AKAP13: variants seen among roughly 807,000 people sequenced by gnomAD.
The protein encoded by AKAP13 is A-kinase anchor protein 13.
A neutral mutation model predicts 264.5 loss-of-function variants in AKAP13; 80 were observed. The ratio of observed to expected loss-of-function variants is 0.30; its 90% CI spans 0.25 to 0.36. The LOEUF (loss-of-function observed/expected upper bound fraction) is 0.36. Among genes scored for constraint, AKAP13 ranks in the 10% least tolerant of loss-of-function variants. The pLI is 1.00. For missense variants in AKAP13, 3,712 were observed against 3,435.2 expected (o/e 1.08, Z -2.01); for synonymous variants, 1,380 against 1,250.2 (o/e 1.10, Z -2.19).
intron 5 of AKAP13, among the ~76,000 whole-genome samples, chr15:85,544,415 A>G (rs1443100582): frequency 2.6e-5 from 4 of 152,202 alleles, no homozygotes; most frequent in Non-Finnish European, 4.4e-5. Context: ...AAATATTGTA[A>G]ACAATTAAGT....
At chr15:85,672,689 A>C (rs1198344286) in intron 14 of AKAP13, among the ~76,000 whole-genome samples, 2 of 152,232 alleles carry the variant, frequency 1.3e-5, no homozygotes, top group Non-Finnish European at 2.9e-5. Flanking sequence ...TGAGCTTGTT[A>C]CTGAAACTCT....
At chr15:85,399,523 TAAAAAAATA>T (rs1187399067) in intron 1 of AKAP13, among the ~76,000 whole-genome samples, 7 of 78,030 alleles carry the variant, frequency 9.0e-5, no homozygotes, top group Non-Finnish European at 1.9e-4. Context: ...AAAAAAAAAA[TAAAAAAATA>T]AAAAAATAAA....
In AKAP13 at chr15:85,664,762, C is replaced by A; in HGVS notation, c.4992+7C>A. On this transcript the variant is annotated splice_region_variant and intron_variant, in intron 13 of 36. Coordinates refer to ENST00000394518, the MANE Select transcript of AKAP13 (RefSeq NM_007200.5). The stretch of plus-strand genomic sequence containing the variant: ...TAGGATGTTTGATCAGCAGGTAAGT[C>A]TTAAATATGTCTAATTTGGAAAAAA... The A allele has an allele frequency of 1.3e-6, 2 of 1,599,324 alleles. No homozygotes were observed. The highest frequency in any genetic ancestry group is 2.3e-5 in the South Asian group (2 of 88,810).
intron 1 of AKAP13, among the ~76,000 whole-genome samples, chr15:85,442,482 A>ATATACATAATATATATTATAT (rs1567059545): frequency 8.6e-6 from 1 of 115,620 alleles, no homozygotes; most frequent in African/African-American, 3.5e-5. Flanking sequence ...ATATTATATA[A>ATATACATAATATATATTATAT]TATATATAAT....
chr15:85,718,896 CT>C lies in AKAP13; in HGVS notation c.6002-178del. ...CCTGGGTGACAGAGCCAGAACCTGTCTTAAAAAAAAAACAAAAAAACAAAAA... is the reference window on the plus strand; with the variant it reads ...CCTGGGTGACAGAGCCAGAACCTGTCTAAAAAAAAAACAAAAAAACAAAAA... On this transcript the variant is annotated intron_variant, in intron 22 of 36. Transcript: ENST00000394518. The surrounding 1 kb of genome is among the most constrained non-coding windows in gnomAD (Gnocchi z 4.9). The C allele has an allele frequency of 1.3e-6, 1 of 742,942 alleles. No individual in the cohort carries two copies. The highest frequency in any genetic ancestry group is 3.0e-5 in the East Asian group (1 of 32,862). 46.0% of individuals were successfully genotyped at this position (742,942 alleles called of 1,614,324 possible).
chr15:85,689,355 A>G (rs781042830), intron 16 of AKAP13, among the ~76,000 whole-genome samples: 35 of 152,224 alleles, frequency 2.3e-4, no homozygotes, highest in Non-Finnish European at 4.6e-4. Flanking sequence ...CTGTAACATG[A>G]CAGTTGTTTG....
At chr15:85,383,303 G>A (rs1447495276) in intron 1 of AKAP13, among the ~76,000 whole-genome samples, 1 of 152,070 alleles carries the variant, frequency 6.6e-6, no homozygotes, top group Admixed American at 6.5e-5. Context: ...GAACTAGGTA[G>A]CGTTCAGATC....
chr15:85,609,528 C>T (rs2080506339), intron 8 of AKAP13, among the ~76,000 whole-genome samples: 1 of 152,160 alleles, frequency 6.6e-6, no homozygotes, highest in Admixed American at 6.5e-5. Context: ...TCGATGGACA[C>T]TTAACTTGGT....
At chr15:85,488,099 A>G (rs1358985702) in intron 2 of AKAP13, among the ~76,000 whole-genome samples, 3 of 152,076 alleles carry the variant, frequency 2.0e-5, no homozygotes, top group Non-Finnish European at 2.9e-5. Flanking sequence ...AGATCTGACT[A>G]TGCTGCCCAG....
At chr15:85,670,594 T>A (rs899075152) in intron 14 of AKAP13, 1 of 151,246 alleles carries the variant, frequency 6.6e-6, no homozygotes, top group Non-Finnish European at 1.5e-5. Flanking sequence ...GAATATACAT[T>A]GAATTAAGTT....
intron 5 of AKAP13, among the ~76,000 whole-genome samples, chr15:85,556,773 C>G (rs1292558545): frequency 6.6e-6 from 1 of 152,226 alleles, no homozygotes. Context: ...TTCCCTAACT[C>G]TGCATGCTGG....
intron 5 of AKAP13, among the ~76,000 whole-genome samples, chr15:85,551,423 A>T (rs2077960114): frequency 6.6e-6 from 1 of 152,198 alleles, no homozygotes; most frequent in African/African-American, 2.4e-5. Flanking sequence ...TTGCACAAGG[A>T]AATGTAATAG....
At chr15:85,464,094 C>T (rs1267150432) in intron 1 of AKAP13, among the ~76,000 whole-genome samples, 1 of 152,172 alleles carries the variant, frequency 6.6e-6, no homozygotes, top group Non-Finnish European at 1.5e-5. Context: ...TTCCCTTTCC[C>T]ACACGGCGTC....
Position 85,581,186 on chromosome 15 carries a change from T to C in AKAP13, c.3118T>C (p.Ser1040Pro), listed in dbSNP as rs1441679991. 1.2e-6 allele frequency: 2 copies of C among 1,613,998 alleles called. No individual in the cohort carries two copies. Among genetic ancestry groups the C allele is most frequent in the Non-Finnish European group, 1.7e-6 (2 of 1,180,012 alleles). Residue 1040 changes from serine to proline, a missense_variant, in exon 7 of 37, where the codon TCC becomes CCC. Ser to Pro is a moderately conservative substitution (Grantham distance 74, BLOSUM62 -1). Coordinates refer to ENST00000394518, the MANE Select transcript of AKAP13 (RefSeq NM_007200.5). ...AGCCTTGGGGGCAGAGCACAACAGC[T>C]CCGCTCTGTTGCCATGTCTGTTGCC... ...QEALGAEHNS[S>P]ALLPCLLPDG...
intron 5 of AKAP13, among the ~76,000 whole-genome samples, chr15:85,571,109 G>A (rs540268291): frequency 1.3e-5 from 2 of 152,238 alleles, no homozygotes; most frequent in African/African-American, 4.8e-5. Context: ...TCCCAGTGGG[G>A]GAAGATTAGT....
chr15:85,649,185 G>A (rs416916), intron 10 of AKAP13, among the ~76,000 whole-genome samples: 40,601 of 151,988 alleles, frequency 0.27, 5,587 homozygotes, highest in East Asian at 0.36. Flanking sequence ...ACAAGTGGGT[G>A]GTTTTATGCT....
At chr15:85,571,054 G>C (rs2078802122) in intron 5 of AKAP13, among the ~76,000 whole-genome samples, 1 of 151,952 alleles carries the variant, frequency 6.6e-6, no homozygotes, top group Non-Finnish European at 1.5e-5. Context: ...GAATGAAGTA[G>C]GCAAGGTTAA....
intron 25 of AKAP13, among the ~76,000 whole-genome samples, chr15:85,722,583 GA>G (rs1597176803): frequency 1.3e-5 from 2 of 152,182 alleles, no homozygotes; most frequent in East Asian, 3.9e-4. Flanking sequence ...TCAATGACCT[GA>G]ACAGTATTCT....
intron 8 of AKAP13, among the ~76,000 whole-genome samples, chr15:85,607,571 G>A (rs1289288872): frequency 1.3e-5 from 2 of 152,106 alleles, no homozygotes; most frequent in African/African-American, 4.8e-5. Flanking sequence ...CAGAGTTCAT[G>A]CTTTTAACCA....
Sources: gnomAD v4.1 joint callset for allele counts (sites outside exome capture counted in the v4.1 genomes callset) on GRCh38, gnomAD v4.1.1 for gene constraint, Gnocchi (gnomAD v3.1) non-coding constraint, MANE v1.5 for transcripts, NCBI Gene and HGNC (gene_info 2026-07-23, HGNC 2026-07-21) for gene names.